Variants in SHANK2 observed in about 807,000 individuals in gnomAD.
SHANK2 encodes the protein SH3 and multiple ankyrin repeat domains protein 2.
A neutral mutation model predicts 133.7 loss-of-function variants in SHANK2; 43 were observed. That is an observed-to-expected ratio of 0.32 (90% confidence interval 0.25 to 0.41). The LOEUF is 0.41. SHANK2 is among the 10% of genes least tolerant of loss of function. The probability of loss-of-function intolerance (pLI) is 1.00; values close to 1 mark genes in which losing one functional copy is unlikely to be tolerated. For synonymous variants in SHANK2, 1,017 were observed against 952.8 expected, an observed-to-expected ratio of 1.07 and a Z score of -1.24; for missense variants, 1,994 against 2,235.8, an observed-to-expected ratio of 0.89 and a Z score of 2.18.
At chr11:70,951,524 ATGT>A (rs1950841872) in intron 10 of SHANK2, among the ~76,000 whole-genome samples, 3 of 151,328 alleles carry the variant, frequency 2.0e-5, no homozygotes, top group South Asian at 2.1e-4. Flanking sequence ...CTGTGCTGTG[ATGT>A]CATAAATTCA....
intron 2 of SHANK2, among the ~76,000 whole-genome samples, chr11:71,191,389 AGGCTGGAGTCCGCACAG>A (rs1208857481): frequency 1.3e-5 from 2 of 151,958 alleles, no homozygotes; most frequent in African/African-American, 2.4e-5. Flanking sequence ...CACATCCCAG[AGGCTGGAGTCCGCACAG>A]GGCTGGGTCC....
chr11:71,224,143 G>C (rs1026224757), intron 2 of SHANK2, among the ~76,000 whole-genome samples: 1 of 152,226 alleles, frequency 6.6e-6, no homozygotes, highest in Non-Finnish European at 1.5e-5. Flanking sequence ...GCATGGAGCT[G>C]GTGGTAGTCA....
intron 3 of SHANK2, among the ~76,000 whole-genome samples, chr11:71,138,006 C>T (rs1952480103): frequency 6.6e-6 from 1 of 151,594 alleles, no homozygotes; most frequent in Non-Finnish European, 1.5e-5. Flanking sequence ...CCGAATGCAG[C>T]TTCTAATGGT....
At chr11:70,614,592 C>A (rs1554995394) in intron 17 of SHANK2, among the ~76,000 whole-genome samples, 1 of 152,248 alleles carries the variant, frequency 6.6e-6, no homozygotes, top group African/African-American at 2.4e-5. Context: ...GGACTGCAGG[C>A]ATGAGCCACC....
chr11:70,497,051 G>A (rs782066197), intron 21 of SHANK2: 3 of 456,600 alleles, frequency 6.6e-6, no homozygotes, highest in East Asian at 6.9e-5. Context: ...GAGAGCAGCC[G>A]GGCGTGTTGG....
At chr11:70,663,445 A>C (rs1591722615) in intron 15 of SHANK2, among the ~76,000 whole-genome samples, 1 of 152,174 alleles carries the variant, frequency 6.6e-6, no homozygotes, top group African/African-American at 2.4e-5. Context: ...GGTGAGGCTC[A>C]GAGAGATCGG....
chr11:71,232,395 C>A lies in SHANK2; in HGVS notation c.-112-7599G>T, dbSNP rs553114125. Among the ~76,000 whole-genome samples the A allele has an allele frequency of 4.7e-4, 71 of 152,314 alleles. 1 individual carries two copies. Among genetic ancestry groups the A allele is most frequent in the Admixed American group, 4.5e-3 (69 of 15,308 alleles). ...AACTGGGTATATCTCTGAACTATTT[C>A]TTACAACTGCAATCATCTTAAAAAT... On this transcript the variant is annotated intron_variant, in intron 1 of 25. Transcript: ENST00000601538.
At chr11:70,736,734 A>G (rs781187163) in intron 14 of SHANK2, among the ~76,000 whole-genome samples, 6 of 152,160 alleles carry the variant, frequency 3.9e-5, no homozygotes, top group Non-Finnish European at 7.4e-5. Context: ...ACACGGCTTC[A>G]TTCCATGGCG....
chr11:70,771,564 G>A (rs566571802), intron 14 of SHANK2, among the ~76,000 whole-genome samples: 58 of 152,292 alleles, frequency 3.8e-4, no homozygotes, highest in Admixed American at 1.6e-3. Context: ...CGGGTCGGAC[G>A]ATGGCTCCAG....
chr11:71,217,023 C>A (rs1194336815), intron 2 of SHANK2, among the ~76,000 whole-genome samples: 1 of 151,530 alleles, frequency 6.6e-6, no homozygotes, highest in Admixed American at 6.6e-5. Flanking sequence ...ATGGTGAAAC[C>A]CCGTCTCTAC....
chr11:70,630,648 C>T (rs2060972656), intron 17 of SHANK2, among the ~76,000 whole-genome samples: 1 of 152,078 alleles, frequency 6.6e-6, no homozygotes, highest in Non-Finnish European at 1.5e-5. Context: ...GACATGGCCA[C>T]GTGCAGATGG....
At chr11:70,916,758 T>C (rs1296455125) in intron 10 of SHANK2, among the ~76,000 whole-genome samples, 1 of 152,136 alleles carries the variant, frequency 6.6e-6, no homozygotes, top group Non-Finnish European at 1.5e-5. Flanking sequence ...TCCTGAAAGC[T>C]TGCAGGTATC....
chr11:71,124,498 A>G (rs1555102311), intron 3 of SHANK2, among the ~76,000 whole-genome samples: 1 of 151,954 alleles, frequency 6.6e-6, no homozygotes, highest in African/African-American at 2.4e-5. Flanking sequence ...CCTTCACCAC[A>G]ACCCTAAGTG....
In SHANK2 at chr11:70,876,732, G is replaced by A. The variant is rs375792483; in HGVS notation, c.1174+19769C>T. On this transcript the variant is annotated intron_variant, in intron 11 of 25. Transcript: ENST00000601538. Reference sequence around the variant, plus strand: ...GCAGGTGACAACACTTCTAGGGTCTGTGCAAGTGAAGGCAGGAAATAACAG... The same window carrying A: ...GCAGGTGACAACACTTCTAGGGTCTATGCAAGTGAAGGCAGGAAATAACAG... 2.8e-4 allele frequency among the ~76,000 whole-genome samples: 43 copies of A among 152,320 alleles called. 1 individual carries two copies. Among genetic ancestry groups the A allele is most frequent in the East Asian group, 2.3e-3 (12 of 5,192 alleles).
intron 10 of SHANK2, among the ~76,000 whole-genome samples, chr11:70,941,316 G>A (rs149968291): frequency 6.6e-5 from 10 of 152,260 alleles, no homozygotes; most frequent in Non-Finnish European, 1.2e-4. Flanking sequence ...TTAGACACAC[G>A]ATGCCTCCCA....
intron 9 of SHANK2, among the ~76,000 whole-genome samples, chr11:71,058,524 ACT>A (rs1186685435): frequency 1.2e-4 from 18 of 152,166 alleles, no homozygotes; most frequent in Admixed American, 4.6e-4. Flanking sequence ...GAATAAGCAA[ACT>A]CTGTTTTTGG....
At chr11:71,082,201 C>G (rs1951310302) in intron 8 of SHANK2, among the ~76,000 whole-genome samples, 2 of 152,228 alleles carry the variant, frequency 1.3e-5, no homozygotes. Context: ...TGTGGAGCTC[C>G]TGGGCTCTCC....
intron 1 of SHANK2, among the ~76,000 whole-genome samples, chr11:71,238,359 G>A (rs1170887504): frequency 6.6e-6 from 1 of 152,214 alleles, no homozygotes; most frequent in African/African-American, 2.4e-5. Flanking sequence ...GTACGTGGAT[G>A]CTTACCATAG....
chr11:70,776,734 C>T (rs1947371715), intron 14 of SHANK2, among the ~76,000 whole-genome samples: 1 of 150,582 alleles, frequency 6.6e-6, no homozygotes, highest in South Asian at 2.1e-4. Flanking sequence ...TACTAGATTC[C>T]CACCTACTCA....
Sources: allele counts gnomAD v4.1 joint callset (sites outside exome capture counted in the v4.1 genomes callset), GRCh38; gene constraint gnomAD v4.1.1; transcripts MANE v1.5; gene names NCBI Gene and HGNC (gene_info 2026-07-23, HGNC 2026-07-21).